The following TBCD variants were observed in gnomAD, a reference collection of about 807,000 sequenced individuals.
TBCD encodes the protein tubulin-specific chaperone D.
A neutral mutation model predicts 169.3 loss-of-function variants in TBCD; 105 were observed. That is an observed-to-expected ratio of 0.62 (90% CI 0.53 to 0.73). The LOEUF (loss-of-function observed/expected upper bound fraction) is 0.73, where lower values mean the gene tolerates loss of function less well. Among genes scored for constraint, TBCD ranks in the 30% least tolerant of loss-of-function variants. TBCD has a pLI of 0.00. For missense variants in TBCD, 1,444 were observed against 1,600.1 expected, an observed-to-expected ratio of 0.90 and a Z score of 1.66; for synonymous variants, 700 against 643.9, an observed-to-expected ratio of 1.09 and a Z score of -1.32.
intron 2 of TBCD, among the ~76,000 whole-genome samples, chr17:82,761,828 C>T (rs1202202791): frequency 1.3e-5 from 2 of 151,494 alleles, no homozygotes; most frequent in Admixed American, 1.3e-4. Flanking sequence ...CGGGTTCACG[C>T]CATTCTCCTG....
chr17:82,880,254 T>G lies in TBCD; in HGVS notation c.1476-3891T>G, dbSNP rs2058263419. Among the ~76,000 whole-genome samples, 2 of 152,184 alleles carry G rather than the reference T, an allele frequency of 1.3e-5. No individual in the cohort carries two copies. Among genetic ancestry groups the G allele is most frequent in the Non-Finnish European group, 2.9e-5 (2 of 68,034 alleles). ...TACTCAAATTCCTGGGCTCAAGGGA[T>G]CCTCCTGCCTCTGCCTCCCACAGAC... On this transcript the variant is annotated intron_variant, in intron 14 of 38. Transcript: ENST00000355528. The surrounding 1 kb of genome is among the most constrained non-coding windows in gnomAD (Gnocchi z 5.0).
intron 14 of TBCD, among the ~76,000 whole-genome samples, chr17:82,871,791 G>A (rs1287336058): frequency 6.6e-6 from 1 of 152,210 alleles, no homozygotes; most frequent in Non-Finnish European, 1.5e-5. Context: ...TTGGCCTGGG[G>A]CCCGCTTGGC....
intron 6 of TBCD, among the ~76,000 whole-genome samples, chr17:82,779,992 C>CT (rs1265837788): frequency 2.0e-5 from 3 of 152,178 alleles, no homozygotes; most frequent in Non-Finnish European, 4.4e-5. Flanking sequence ...CTGCCGTCTC[C>CT]TTCCCCCCAC....
At chr17:82,814,554 C>T (rs965423693) in intron 12 of TBCD, among the ~76,000 whole-genome samples, 3 of 152,332 alleles carry the variant, frequency 2.0e-5, no homozygotes, top group South Asian at 2.1e-4. Context: ...CTTGCTCTGT[C>T]ACCCAGGCTA....
chr17:82,888,014 T>G (rs2058872743), intron 15 of TBCD, among the ~76,000 whole-genome samples: 1 of 152,224 alleles, frequency 6.6e-6, no homozygotes, highest in African/African-American at 2.4e-5. Flanking sequence ...TGCGTTTGGC[T>G]TTCTCCCAGT....
intron 13 of TBCD, among the ~76,000 whole-genome samples, chr17:82,842,437 C>T (rs911830190): frequency 6.6e-6 from 1 of 152,200 alleles, no homozygotes; most frequent in South Asian, 2.1e-4. Flanking sequence ...TGGTGGCTTC[C>T]CTTCATGGAA....
At chr17:82,921,125 C>T (rs1230651762) in intron 24 of TBCD, 2 of 288,248 alleles carry the variant, frequency 6.9e-6, no homozygotes, top group East Asian at 1.5e-4. Context: ...ATTGAATAGC[C>T]TTCACATTTG....
intron 14 of TBCD, among the ~76,000 whole-genome samples, chr17:82,873,061 C>T (rs1227306368): frequency 6.6e-6 from 1 of 152,278 alleles, no homozygotes; most frequent in Non-Finnish European, 1.5e-5. Context: ...CTCAGCGCTG[C>T]CTCGTGGCTG....
intron 13 of TBCD, among the ~76,000 whole-genome samples, chr17:82,839,287 C>A (rs749480598): frequency 6.6e-6 from 1 of 152,058 alleles, no homozygotes; most frequent in Non-Finnish European, 1.5e-5. Flanking sequence ...CTAAATTCAG[C>A]CTGATGTACT....
intron 13 of TBCD, chr17:82,830,880 A>G (rs1567851583): frequency 6.2e-7 from 1 of 1,612,736 alleles, no homozygotes; most frequent in Non-Finnish European, 8.5e-7. Flanking sequence ...CATTGAGGCT[A>G]GAAGAAGCCA....
intron 13 of TBCD, among the ~76,000 whole-genome samples, chr17:82,826,200 T>G (rs1454701766): frequency 6.6e-6 from 1 of 152,100 alleles, no homozygotes; most frequent in African/African-American, 2.4e-5. Context: ...TATTTATTTA[T>G]TTTTTCCACA....
intron 16 of TBCD, among the ~76,000 whole-genome samples, chr17:82,891,513 G>T (rs1034068612): frequency 6.6e-6 from 1 of 152,186 alleles, no homozygotes; most frequent in East Asian, 1.9e-4. Context: ...TCCCAGCCCC[G>T]CACGGCCATG....
At chr17:82,916,684 T>C (rs1750867614) in intron 23 of TBCD, among the ~76,000 whole-genome samples, 1 of 152,244 alleles carries the variant, frequency 6.6e-6, no homozygotes, top group Admixed American at 6.5e-5. Context: ...AGACAATCTT[T>C]TAAGTTTCGC....
chr17:82,834,209 A>G (rs1462716287), intron 13 of TBCD, among the ~76,000 whole-genome samples: 1 of 152,060 alleles, frequency 6.6e-6, no homozygotes, highest in Non-Finnish European at 1.5e-5. Flanking sequence ...TAGCCTCCCA[A>G]AGTGCTGGGA....
chr17:82,917,609 G>A (rs1028693194), intron 23 of TBCD, among the ~76,000 whole-genome samples: 11 of 152,216 alleles, frequency 7.2e-5, no homozygotes, highest in African/African-American at 2.4e-4. Context: ...CTTGATGTTG[G>A]CTCTTGACGG....
At chr17:82,879,176 C>T (rs962029990) in intron 14 of TBCD, among the ~76,000 whole-genome samples, 1 of 150,772 alleles carries the variant, frequency 6.6e-6, no homozygotes, top group Non-Finnish European at 1.5e-5. Flanking sequence ...CACCACTTCC[C>T]AGGAGTCTCA....
intron 3 of TBCD, among the ~76,000 whole-genome samples, chr17:82,764,276 T>G (rs1298145395): frequency 6.6e-6 from 1 of 152,182 alleles, no homozygotes; most frequent in Non-Finnish European, 1.5e-5. Context: ...CATCTTGCAT[T>G]TGAATAGATT....
Position 82,756,197 on chromosome 17 carries a change from C to T in TBCD, c.217C>T (p.Leu73=), listed in dbSNP as rs1164127534. The change falls in exon 2 of 39, where the codon CTG becomes TTG. Residue 73 remains leucine, a synonymous_variant. Transcript: ENST00000355528. ...IMDKYQEQPH[L]LDPHLEWMMN... is the part of the protein sequence containing the mutation. ...GGACAAATACCAGGAGCAGCCTCAT[C>T]TGTTGGACCCGCACCTTGGTAAGAA... 1.9e-6 allele frequency: 3 copies of T among 1,610,818 alleles called. No individual in the cohort carries two copies. The highest frequency in any genetic ancestry group is 2.5e-6 in the Non-Finnish European group (3 of 1,178,364).
chr17:82,752,398 G>T (rs536240469), intron 1 of TBCD, 21 bp downstream of exon 1: 3 of 1,220,056 alleles, frequency 2.5e-6, no homozygotes, highest in Non-Finnish European at 2.0e-6. Flanking sequence ...GGCGCCGCGT[G>T]CCCGCTTCCT....
Sources: gnomAD v4.1 joint callset for allele counts (sites outside exome capture counted in the v4.1 genomes callset) on GRCh38, gnomAD v4.1.1 for gene constraint, Gnocchi (gnomAD v3.1) non-coding constraint, MANE v1.5 for transcripts, NCBI Gene and HGNC (gene_info 2026-07-23, HGNC 2026-07-21) for gene names.